The following NHS variants were observed in gnomAD, a reference collection of about 807,000 sequenced individuals.
NHS encodes NHS actin remodeling regulator.
A neutral mutation model predicts 72.5 loss-of-function variants in NHS; 5 were observed. The ratio of observed to expected loss-of-function variants is 0.07; its 90% CI spans 0.04 to 0.14. The LOEUF is 0.14. Among genes scored for constraint, NHS ranks in the 10% least tolerant of loss-of-function variants. NHS has a pLI of 1.00. For synonymous variants in NHS, 464 were observed against 547.7 expected (o/e 0.85, Z 2.13); for missense variants, 1,072 against 1,355.7 (o/e 0.79, Z 3.29).
chrX:17,512,365 T>C (rs2065093530), intron 1 of NHS, among the ~76,000 whole-genome samples: 1 of 112,221 alleles, frequency 8.9e-6, no homozygotes, highest in African/African-American at 3.2e-5. Flanking sequence ...AAAATAGATA[T>C]GGCATTTTAC....
At chrX:17,694,016 T>C (rs1251456453) in intron 3 of NHS, among the ~76,000 whole-genome samples, 29 of 112,482 alleles carry the variant, frequency 2.6e-4, no homozygotes, top group Non-Finnish European at 3.9e-4. Context: ...GAGAAGAATT[T>C]TGAGCATTTA....
At chrX:17,537,815 G>A (rs369034962) in intron 1 of NHS, among the ~76,000 whole-genome samples, 1 of 112,045 alleles carries the variant, frequency 8.9e-6, no homozygotes, top group African/African-American at 3.2e-5. Context: ...CTTTTGTTTG[G>A]GGGGATTGGA....
At chrX:17,628,523 A>T (rs1033353773) in intron 1 of NHS, among the ~76,000 whole-genome samples, 3 of 113,116 alleles carry the variant, frequency 2.7e-5, no homozygotes, top group African/African-American at 9.6e-5. Context: ...CTACACATGA[A>T]TGTTCCTCCT....
At chrX:17,564,100 G>A (rs1167075337) in intron 1 of NHS, among the ~76,000 whole-genome samples, 3 of 111,292 alleles carry the variant, frequency 2.7e-5, no homozygotes, top group African/African-American at 9.8e-5. Flanking sequence ...CAATTACCTC[G>A]CAGATCAATA....
chrX:17,725,319 A>T (rs2066433820), intron 6 of NHS, 28 bp from the exon 7 acceptor site: 10 of 1,178,728 alleles, frequency 8.5e-6, no homozygotes, highest in Non-Finnish European at 1.2e-5. Flanking sequence ...TATAGAAAAT[A>T]TCTCACTGTG....
intron 1 of NHS, among the ~76,000 whole-genome samples, chrX:17,441,908 A>G (rs768606921): frequency 8.9e-6 from 1 of 112,334 alleles, no homozygotes; most frequent in African/African-American, 3.2e-5. Context: ...CACTTAAGCC[A>G]GTGGTTCTTA....
chrX:17,634,168 A>T (rs1004601454), intron 1 of NHS, among the ~76,000 whole-genome samples: 1 of 111,989 alleles, frequency 8.9e-6, no homozygotes, highest in Non-Finnish European at 1.9e-5. Context: ...TGTCTGGGTC[A>T]TTTCTCTGAG....
At chrX:17,564,683 C>T (rs1371029397) in intron 1 of NHS, among the ~76,000 whole-genome samples, 1 of 112,433 alleles carries the variant, frequency 8.9e-6, no homozygotes, top group African/African-American at 3.2e-5. Context: ...TAGGTTAGAG[C>T]ATGTCAAATT....
intron 1 of NHS, among the ~76,000 whole-genome samples, chrX:17,630,588 G>A (rs1309375109): frequency 2.7e-5 from 3 of 110,953 alleles, no homozygotes; most frequent in Non-Finnish European, 5.7e-5. Flanking sequence ...CAGCTCTGTG[G>A]TGCATTTTGT....
At chrX:17,599,775 C>T (rs2065640612) in intron 1 of NHS, among the ~76,000 whole-genome samples, 2 of 111,109 alleles carry the variant, frequency 1.8e-5, no homozygotes, top group Non-Finnish European at 3.8e-5. Flanking sequence ...ACTCTAGTAC[C>T]GTTCTTTGCT....
intron 1 of NHS, among the ~76,000 whole-genome samples, chrX:17,600,677 G>C (rs945816805): frequency 1.8e-5 from 2 of 111,400 alleles, no homozygotes; most frequent in Admixed American, 9.5e-5. Flanking sequence ...GTCTGGTATT[G>C]TCAGGCTCTA....
intron 1 of NHS, among the ~76,000 whole-genome samples, chrX:17,592,049 C>A (rs1026982639): frequency 3.6e-5 from 4 of 111,073 alleles, no homozygotes; most frequent in African/African-American, 1.3e-4. Flanking sequence ...CATGTGCATG[C>A]AAATACACAT....
intron 5 of NHS, among the ~76,000 whole-genome samples, chrX:17,723,800 G>A (rs1446187268): frequency 1.0e-5 from 1 of 98,205 alleles, no homozygotes; most frequent in African/African-American, 3.9e-5. Context: ...GGGAATGCAA[G>A]AAGGTTTGGA....
chrX:17,550,995 T>C (rs1352981278), intron 1 of NHS, among the ~76,000 whole-genome samples: 3 of 111,510 alleles, frequency 2.7e-5, no homozygotes, highest in African/African-American at 9.8e-5. Flanking sequence ...TTGCTGTTCC[T>C]CTGCCTGGAA....
chrX:17,611,604 T>C (rs1395696579), intron 1 of NHS, among the ~76,000 whole-genome samples: 1 of 111,393 alleles, frequency 9.0e-6, no homozygotes, highest in East Asian at 2.8e-4. Flanking sequence ...GGCTTAGCAA[T>C]GTTAGGTCCA....
intron 1 of NHS, among the ~76,000 whole-genome samples, chrX:17,516,305 G>A (rs1042212824): frequency 9.0e-6 from 1 of 111,346 alleles, no homozygotes; most frequent in African/African-American, 3.3e-5. Context: ...GCTGATACTT[G>A]GTGAGAAGCA....
Position 17,570,531 on chromosome X carries a change from C to A in NHS, c.566-117211C>A, listed in dbSNP as rs1444456074. 2.7e-5 allele frequency among the ~76,000 whole-genome samples: 3 copies of A among 111,849 alleles called. No individual in the cohort carries two copies. In the Admixed American group the frequency reaches 2.8e-4, roughly 11 times the overall value. ...TGCACATTGATTTTGTATCCTGAGA[C>A]TTTGCTGAAGTTGCTTATCAGCTTA... On this transcript the variant is annotated intron_variant, in intron 1 of 8. Coordinates refer to ENST00000676302, the MANE Select transcript of NHS (RefSeq NM_001291867.2).
intron 1 of NHS, among the ~76,000 whole-genome samples, chrX:17,491,754 C>CTTTTT: frequency 1.5e-5 from 1 of 68,552 alleles, no homozygotes; most frequent in African/African-American, 5.4e-5. Context: ...TGGTCCTGGG[C>CTTTTT]TTTTTTTTTT....
At position 17,728,697 on chromosome X, in the gene NHS, C is replaced by A. The variant is rs1383246443; in HGVS notation, c.4271C>A (p.Ser1424Tyr). ...DSIISPLSED[S>Y]QAEAEGVFVS... ...ATCATTTCACCACTTAGTGAAGACTCCCAAGCTGAAGCAGAGGGTGTGTTC... is the reference window on the plus strand; with the variant it reads ...ATCATTTCACCACTTAGTGAAGACTACCAAGCTGAAGCAGAGGGTGTGTTC... The change falls in exon 8 of 9, where the codon TCC (serine) becomes TAC (tyrosine). Residue 1424 changes from serine to tyrosine, a missense_variant. By Grantham distance (144) the Ser-to-Tyr change is moderately radical. Coordinates refer to ENST00000676302, the MANE Select transcript of NHS (RefSeq NM_001291867.2). 5 of 1,208,204 alleles carry A rather than the reference C, an allele frequency of 4.1e-6. No individual in the cohort carries two copies. The highest frequency in any genetic ancestry group is 5.6e-6 in the Non-Finnish European group (5 of 894,430).
Sources: allele counts gnomAD v4.1 joint callset (sites outside exome capture counted in the v4.1 genomes callset), GRCh38; gene constraint gnomAD v4.1.1; transcripts MANE v1.5; gene names NCBI Gene and HGNC (gene_info 2026-07-23, HGNC 2026-07-21).